Variants in POLR2B observed in about 807,000 individuals in gnomAD.
The protein encoded by POLR2B is DNA-directed RNA polymerase II subunit RPB2.
A neutral mutation model predicts 144.6 loss-of-function variants in POLR2B; 57 were observed. The observed-to-expected ratio is 0.39, with a 90% CI of 0.32 to 0.49. The LOEUF (loss-of-function observed/expected upper bound fraction) is 0.49. Among genes scored for constraint, POLR2B ranks in the 20% least tolerant of loss-of-function variants. The probability of loss-of-function intolerance (pLI) is 0.83; values close to 1 mark genes in which losing one functional copy is unlikely to be tolerated. For synonymous variants in POLR2B, 442 were observed against 469.8 expected, an observed-to-expected ratio of 0.94 and a Z score of 0.77; for missense variants, 595 against 1,467.4, an observed-to-expected ratio of 0.41 and a Z score of 9.71.
chr4:57,005,195 TAAGGTAGC>T, intron 7 of POLR2B, 43 bp from the exon 8 acceptor site: 1 of 1,110,198 alleles, frequency 9.0e-7, no homozygotes, highest in Non-Finnish European at 1.2e-6. Context: ...TTACTCATTT[TAAGGTAGC>T]AACATGAATT....
chr4:56,993,456 GTTCT>G (rs2109659783), intron 3 of POLR2B, among the ~76,000 whole-genome samples: 1 of 152,240 alleles, frequency 6.6e-6, no homozygotes, highest in Non-Finnish European at 1.5e-5. Context: ...TATCACCACC[GTTCT>G]CTTTGCCCTT....
chr4:57,011,332 A>G (rs545892559), intron 13 of POLR2B, among the ~76,000 whole-genome samples: 5 of 152,270 alleles, frequency 3.3e-5, no homozygotes, highest in African/African-American at 1.2e-4. Context: ...GTTCAAGCGC[A>G]GCCTGGCCAA....
At chr4:56,988,120 A>G (rs1560471243) in intron 2 of POLR2B, among the ~76,000 whole-genome samples, 1 of 152,010 alleles carries the variant, frequency 6.6e-6, no homozygotes, top group Non-Finnish European at 1.5e-5. Context: ...ATATTTTTCC[A>G]TAAGGAGTTG....
intron 14 of POLR2B, among the ~76,000 whole-genome samples, chr4:57,016,149 C>T (rs989383642): frequency 2.0e-5 from 3 of 152,212 alleles, no homozygotes; most frequent in African/African-American, 7.2e-5. Context: ...TTTTAGAATA[C>T]TTTCATTGCC....
intron 16 of POLR2B, among the ~76,000 whole-genome samples, chr4:57,018,747 T>G (rs1289296283): frequency 6.6e-6 from 1 of 152,110 alleles, no homozygotes; most frequent in Non-Finnish European, 1.5e-5. Context: ...AAGGAGAATT[T>G]AGAATGAGAA....
intron 6 of POLR2B, among the ~76,000 whole-genome samples, chr4:56,998,290 T>A (rs1722751832): frequency 6.6e-6 from 1 of 151,644 alleles, no homozygotes; most frequent in Non-Finnish European, 1.5e-5. Context: ...ATCTGCCTCC[T>A]GGGTTCAAGT....
intron 6 of POLR2B, among the ~76,000 whole-genome samples, chr4:56,996,588 A>G (rs990363100): frequency 1.3e-5 from 2 of 151,606 alleles, no homozygotes; most frequent in African/African-American, 4.8e-5. Context: ...CCGGCCTTCA[A>G]TTTTATTTAA....
In POLR2B at chr4:57,010,498, C is replaced by T. The variant is rs1723157609; in HGVS notation, c.1542C>T (p.Thr514=). 1 of 1,612,500 alleles carries T rather than the reference C, an allele frequency of 6.2e-7. No homozygotes were observed. The highest frequency in any genetic ancestry group is 8.5e-7 in the Non-Finnish European group (1 of 1,179,516). Residue 514 remains threonine (T), a synonymous_variant, in exon 11 of 25, where the codon ACC becomes ACT. Transcript: ENST00000314595. ...GGGGAATGGTGTGTCCTGCCGAGAC[C>T]CCAGAGGTAATACATTAGAATTTAC... is the stretch of plus-strand genomic sequence containing the variant. ...TLWGMVCPAE[T]PEGHAVGLVK... is the part of the protein sequence containing the mutation.
intron 10 of POLR2B, among the ~76,000 whole-genome samples, chr4:57,007,855 TC>T (rs1008131203): frequency 6.6e-6 from 1 of 152,184 alleles, no homozygotes; most frequent in African/African-American, 2.4e-5. Context: ...TAGGGGGATC[TC>T]CCCCTCCTTT....
At chr4:56,985,579 T>C in intron 1 of POLR2B, 1 of 562,844 alleles carries the variant, frequency 1.8e-6, no homozygotes, top group Non-Finnish European at 2.3e-6. Flanking sequence ...TTTTGTCTTT[T>C]TTAGTAGAGA....
intron 22 of POLR2B, 113 bp downstream of exon 22, chr4:57,025,112 A>G: frequency 3.1e-6 from 2 of 646,050 alleles, no homozygotes; most frequent in Non-Finnish European, 5.4e-6. Context: ...ACATATAGAA[A>G]TGTACAGCTT....
rs537817514 is a variant in POLR2B at position 57,023,267 on chromosome 4, C to A, written c.2516-63C>A. The A allele has an allele frequency of 2.6e-6, 4 of 1,550,656 alleles. No individual in the cohort carries two copies. The highest frequency in any genetic ancestry group is 1.4e-5 in the African/African-American group (1 of 73,682). On this transcript the variant is annotated intron_variant, in intron 18 of 24. Coordinates refer to ENST00000314595, the MANE Select transcript of POLR2B (RefSeq NM_000938.3). The surrounding 1 kb of genome is among the most constrained non-coding windows in gnomAD (Gnocchi z 4.3). ...CCTTCTCTCTGACTTGGAACTGATT[C>A]ATGTATGTGGTTTTTAATCTTTGTT...
rs774165734 is a variant in POLR2B, at chr4:57,023,210, G to C, written c.2516-120G>C. The C allele has an allele frequency of 1.2e-6, 1 of 829,074 alleles. No individual in the cohort carries two copies. Among genetic ancestry groups the C allele is most frequent in the Non-Finnish European group, 1.9e-6 (1 of 520,462 alleles). The allele number at this position is 829,074 out of a possible 1,614,324, so 51.4% of individuals were successfully genotyped here. A position where few individuals can be genotyped will look rare whatever the true frequency, so the allele number is the denominator to read the frequency against. On this transcript the variant is annotated intron_variant, in intron 18 of 24. Transcript: ENST00000314595. The surrounding 1 kb of genome is among the most constrained non-coding windows in gnomAD (Gnocchi z 4.3). ...GAATAGTTTGTAATATTTGGAATAA[G>C]GGTGTGATTCATGGTATAGAGACTC...
At position 56,999,229 on chromosome 4, in the gene POLR2B, T is replaced by A. The variant is rs1232318818; in HGVS notation, c.736-388T>A. On this transcript the variant is annotated intron_variant, in intron 6 of 24. Coordinates refer to ENST00000314595, the MANE Select transcript of POLR2B (RefSeq NM_000938.3). ...TATTGTCTCTTTTTTTTTTTTTTTT[T>A]ACCTCTCTTCTATTTCTTTCTTCCA... Among the ~76,000 whole-genome samples the A allele has an allele frequency of 1.2e-4, 12 of 100,650 alleles. No individual in the cohort carries two copies. The East Asian group carries it at 2.6e-3, about 22-fold the overall frequency. 66.0% of individuals were successfully genotyped at this position (100,650 alleles called of 152,430 possible). A position where few individuals can be genotyped will look rare whatever the true frequency, so the allele number is the denominator to read the frequency against.
intron 6 of POLR2B, among the ~76,000 whole-genome samples, chr4:56,996,482 C>T (rs1722695331): frequency 1.3e-5 from 2 of 150,764 alleles, no homozygotes; most frequent in South Asian, 4.2e-4. Flanking sequence ...GATGGGGTTT[C>T]ACCGTGTTAG....
intron 1 of POLR2B, among the ~76,000 whole-genome samples, chr4:56,981,260 G>A (rs1289770800): frequency 3.4e-5 from 5 of 145,348 alleles, no homozygotes; most frequent in African/African-American, 5.4e-5. Context: ...CCCCCCTCCC[G>A]TGTCCCCACC....
chr4:56,992,113 A>G (rs1345323983), intron 3 of POLR2B, among the ~76,000 whole-genome samples: 1 of 152,154 alleles, frequency 6.6e-6, no homozygotes, highest in East Asian at 1.9e-4. Context: ...AGAGACTTAA[A>G]TTTACTATGA....
chr4:57,009,707 A>G (rs1723129210), intron 10 of POLR2B: 1 of 152,168 alleles, frequency 6.6e-6, no homozygotes, highest in South Asian at 2.1e-4. Flanking sequence ...AGATTGAGAG[A>G]AAGGTGATGC....
At chr4:56,988,275 G>C (rs2109649468) in intron 2 of POLR2B, among the ~76,000 whole-genome samples, 1 of 152,046 alleles carries the variant, frequency 6.6e-6, no homozygotes, top group African/African-American at 2.4e-5. Context: ...GGAAGATACA[G>C]CTTTCAAGCA....
Sources: gnomAD v4.1 joint callset for allele counts (sites outside exome capture counted in the v4.1 genomes callset) on GRCh38, gnomAD v4.1.1 for gene constraint, Gnocchi (gnomAD v3.1) non-coding constraint, MANE v1.5 for transcripts, NCBI Gene and HGNC (gene_info 2026-07-23, HGNC 2026-07-21) for gene names.